SH3PXD2A: variants seen among roughly 807,000 people sequenced by gnomAD.
SH3PXD2A encodes the protein SH3 and PX domain-containing protein 2A.
Under a neutral mutation model 115.2 loss-of-function variants are expected in SH3PXD2A, and 32 were observed. The ratio of observed to expected loss-of-function variants is 0.28; its 90% confidence interval spans 0.21 to 0.37. The LOEUF is 0.37. Ranked by LOEUF, SH3PXD2A falls within the 10% of genes least tolerant of loss-of-function variation. The pLI, the probability that SH3PXD2A is intolerant of heterozygous loss-of-function variation, is 1.00. For missense variants in SH3PXD2A, 1,328 were observed against 1,498.7 expected, an observed-to-expected ratio of 0.89 and a Z score of 1.88; for synonymous variants, 610 against 629.1, an observed-to-expected ratio of 0.97 and a Z score of 0.45.
intron 7 of SH3PXD2A, 122 bp downstream of exon 7, chr10:103,668,471 GGCAGACCCCCTGCCA>G: frequency 1.3e-6 from 1 of 757,506 alleles, no homozygotes; most frequent in Non-Finnish European, 2.3e-6. Flanking sequence ...CACAGCAAGT[GGCAGACCCCCTGCCA>G]TGCTGGCAAA....
intron 5 of SH3PXD2A, among the ~76,000 whole-genome samples, chr10:103,720,407 C>A (rs533109341): frequency 6.6e-6 from 1 of 152,210 alleles, no homozygotes; most frequent in Admixed American, 6.5e-5. Flanking sequence ...CAGAAGCCAG[C>A]GAGTGGCCTG....
intron 5 of SH3PXD2A, among the ~76,000 whole-genome samples, chr10:103,700,597 TG>T (rs1477665204): frequency 2.6e-5 from 4 of 152,252 alleles, no homozygotes; most frequent in African/African-American, 9.6e-5. Context: ...CAGCAGTCCA[TG>T]GGAGTGGGAG....
At chr10:103,642,147 CTTTTT>C in intron 8 of SH3PXD2A, among the ~76,000 whole-genome samples, 1 of 141,202 alleles carries the variant, frequency 7.1e-6, no homozygotes. Context: ...AGCAATTTGC[CTTTTT>C]TTTTTTTTTT....
intron 5 of SH3PXD2A, among the ~76,000 whole-genome samples, chr10:103,722,546 C>T (rs2134170330): frequency 6.6e-6 from 1 of 151,832 alleles, no homozygotes; most frequent in Middle Eastern, 3.4e-3. Context: ...AAGAGATCCA[C>T]CTGCCTTGGC....
intron 2 of SH3PXD2A, among the ~76,000 whole-genome samples, chr10:103,776,458 G>C: frequency 6.6e-6 from 1 of 150,928 alleles, no homozygotes; most frequent in Non-Finnish European, 1.5e-5. Context: ...GTGTGTGTGT[G>C]TGTGTGTGTG....
chr10:103,763,119 A>T (rs2038717997), intron 3 of SH3PXD2A, among the ~76,000 whole-genome samples: 1 of 152,084 alleles, frequency 6.6e-6, no homozygotes, highest in South Asian at 2.1e-4. Context: ...CTTACGGCCC[A>T]TGTGTGAGAT....
At chr10:103,611,921 G>A (rs2036435194) in intron 12 of SH3PXD2A, among the ~76,000 whole-genome samples, 1 of 152,000 alleles carries the variant, frequency 6.6e-6, no homozygotes, top group Admixed American at 6.5e-5. Context: ...GGTAACGGGT[G>A]TATAGATTTA....
chr10:103,649,843 C>G (rs563574307), intron 8 of SH3PXD2A, among the ~76,000 whole-genome samples: 89 of 152,340 alleles, frequency 5.8e-4, no homozygotes, highest in Admixed American at 1.8e-3. Context: ...AACCTCACCC[C>G]CTTCCTGGGG....
chr10:103,819,514 G>A (rs1018625626), intron 1 of SH3PXD2A, among the ~76,000 whole-genome samples: 2 of 152,138 alleles, frequency 1.3e-5, no homozygotes, highest in African/African-American at 4.8e-5. Flanking sequence ...GGCAGTGAGA[G>A]GCAGGAGGTA....
rs772350449 is a variant in SH3PXD2A, at chr10:103,602,039, G to T, written c.3179C>A (p.Pro1060His). The T allele has an allele frequency of 2.5e-6, 4 of 1,610,734 alleles. No homozygotes were observed. The African/African-American group carries it at 4.0e-5, about 16-fold the overall frequency. Residue 1060 changes from proline (P) to histidine (H), a missense_variant, in exon 15 of 15, where the codon CCC becomes CAC. This residue lies in a region of SH3PXD2A where 574 missense variants were observed against 565.7 expected (regional missense o/e 1.01). Transcript: ENST00000369774. ...GAACTGAGACTTCTCGATGGGCTTGGGGCGCACAGGGGACACGGGTATGCT... is the reference window on the plus strand; with the variant it reads ...GAACTGAGACTTCTCGATGGGCTTGTGGCGCACAGGGGACACGGGTATGCT... The part of the protein sequence containing the change: ...RNSIPVSPVR[P>H]KPIEKSQFIH...
Position 103,603,464 on chromosome 10 carries a change from C to A in SH3PXD2A, c.1754G>T (p.Arg585Leu). 6.2e-7 allele frequency: 1 copy of A among 1,611,792 alleles called. No homozygotes were observed. Among genetic ancestry groups the A allele is most frequent in the Non-Finnish European group, 8.5e-7 (1 of 1,178,886 alleles). ...PVEDRASGERRPAQPHRPSPA... is the reference protein window; with the variant it reads ...PVEDRASGERLPAQPHRPSPA... The stretch of plus-strand genomic sequence containing the variant: ...CGAGGGCCGGTGGGGCTGGGCAGGC[C>A]GCCTCTCCCCTGAGGCTCTGTCCTC... The change falls in exon 15 of 15, where the codon CGG (arginine) becomes CTG (leucine). Residue 585 changes from arginine (R) to leucine (L), a missense_variant. This residue lies in a region of SH3PXD2A where 509 missense variants were observed against 628.3 expected (regional missense o/e 0.81). Transcript: ENST00000369774.
At chr10:103,778,586 C>T (rs2038902649) in intron 2 of SH3PXD2A, among the ~76,000 whole-genome samples, 1 of 152,230 alleles carries the variant, frequency 6.6e-6, no homozygotes, top group African/African-American at 2.4e-5. Flanking sequence ...AAACAGCGCC[C>T]CATGGCACTG....
chr10:103,715,521 AAAGG>A (rs1422816243), intron 5 of SH3PXD2A, among the ~76,000 whole-genome samples: 1 of 152,200 alleles, frequency 6.6e-6, no homozygotes, highest in Non-Finnish European at 1.5e-5. Flanking sequence ...CCTCCTAGGA[AAAGG>A]AAGGGAGTAG....
chr10:103,838,480 C>G (rs2039567311), intron 1 of SH3PXD2A, among the ~76,000 whole-genome samples: 1 of 152,242 alleles, frequency 6.6e-6, no homozygotes, highest in African/African-American at 2.4e-5. Context: ...GAAATTTGAA[C>G]TCAGGCAGTC....
Position 103,749,137 on chromosome 10 carries a change from C to T in SH3PXD2A, c.230-13329G>A, listed in dbSNP as rs191651812. On this transcript the variant is annotated intron_variant, in intron 3 of 14. Transcript: ENST00000369774. ...AACTCCTGACCTCAGGTGATCCACC[C>T]GCCTTGGCCTCCCAAAGGTGGGAGC... is the stretch of plus-strand genomic sequence containing the variant. Among the ~76,000 whole-genome samples, 848 of 130,192 alleles carry T rather than the reference C, an allele frequency of 6.5e-3. 10 individuals are homozygous for T. The highest frequency in any genetic ancestry group is 0.026 in the African/African-American group (792 of 31,054). 85.4% of individuals were successfully genotyped at this position (130,192 alleles called of 152,430 possible).
intron 5 of SH3PXD2A, among the ~76,000 whole-genome samples, chr10:103,723,292 TCATCAG>T (rs2038204344): frequency 1.3e-5 from 2 of 152,176 alleles, no homozygotes; most frequent in Admixed American, 1.3e-4. Flanking sequence ...GTGAGCTGAT[TCATCAG>T]CATCCCCTTA....
Position 103,666,185 on chromosome 10 carries a change from T to G in SH3PXD2A, c.472+2423A>C, listed in dbSNP as rs1304807239. Among the ~76,000 whole-genome samples, 1 of 152,228 alleles carries G rather than the reference T, an allele frequency of 6.6e-6. No homozygotes were observed. Among genetic ancestry groups the G allele is most frequent in the African/African-American group, 2.4e-5 (1 of 41,458 alleles). ...TGCCAATCTGAGCTCCCCAAGTTCC[T>G]TGATCCCCGTCCCCCACACCACCAT... On this transcript the variant is annotated intron_variant, in intron 7 of 14. Coordinates refer to ENST00000369774, the MANE Select transcript of SH3PXD2A (RefSeq NM_001394015.1). The surrounding 1 kb of genome is among the most constrained non-coding windows in gnomAD (Gnocchi z 4.5).
chr10:103,796,496 A>G (rs1049638184), intron 2 of SH3PXD2A, among the ~76,000 whole-genome samples: 3 of 151,802 alleles, frequency 2.0e-5, no homozygotes, highest in African/African-American at 7.3e-5. Flanking sequence ...TTGTACCTCA[A>G]TCTAGTATTT....
At chr10:103,801,569 A>ACACACACACACACACACACC (rs1191349603) in intron 1 of SH3PXD2A, among the ~76,000 whole-genome samples, 1 of 150,744 alleles carries the variant, frequency 6.6e-6, no homozygotes, top group African/African-American at 2.4e-5. Context: ...ACACACACAT[A>ACACACACACACACACACACC]CCCCTAGAGG....
Sources: gnomAD v4.1 joint callset for allele counts (sites outside exome capture counted in the v4.1 genomes callset) on GRCh38, gnomAD v4.1.1 for gene constraint, gnomAD v4.1.1 regional missense constraint, Gnocchi (gnomAD v3.1) non-coding constraint, MANE v1.5 for transcripts, NCBI Gene and HGNC (gene_info 2026-07-23, HGNC 2026-07-21) for gene names.